The following TMEM161B variants were observed in gnomAD, a reference collection of about 807,000 sequenced individuals.
TMEM161B encodes transmembrane protein 161B.
In TMEM161B, 34 loss-of-function variants were observed where a neutral mutation model predicts 61.8. That is an observed-to-expected ratio of 0.55 (90% CI 0.42 to 0.73). The LOEUF is 0.73. Ranked by LOEUF, TMEM161B falls within the 30% of genes least tolerant of loss-of-function variation. The pLI, the probability that TMEM161B is intolerant of heterozygous loss-of-function variation, is 0.00. For synonymous variants in TMEM161B, 167 were observed against 192.8 expected (o/e 0.87, Z 1.11); for missense variants, 456 against 558.5 (o/e 0.82, Z 1.85).
intron 9 of TMEM161B, chr5:88,199,397 C>A: frequency 3.1e-6 from 1 of 326,392 alleles, no homozygotes; most frequent in Non-Finnish European, 5.5e-6. Context: ...TAGAGCAATA[C>A]ATGAGATCCT....
intron 9 of TMEM161B, chr5:88,202,203 T>C: frequency 2.2e-6 from 1 of 448,204 alleles, no homozygotes; most frequent in South Asian, 1.6e-5. Context: ...AGCTGGAGTT[T>C]GAACCAGTTC....
intron 2 of TMEM161B, among the ~76,000 whole-genome samples, chr5:88,236,293 G>A (rs1751835461): frequency 6.6e-6 from 1 of 152,056 alleles, no homozygotes. Flanking sequence ...AACGCATGAG[G>A]TTTGAACTGA....
chr5:88,223,585 C>A (rs1015039742), intron 4 of TMEM161B, among the ~76,000 whole-genome samples: 1 of 152,060 alleles, frequency 6.6e-6, no homozygotes, highest in African/African-American at 2.4e-5. Flanking sequence ...GAAGACATAA[C>A]CAGTCTTAAA....
At chr5:88,218,463 G>A (rs898609241) in intron 5 of TMEM161B, among the ~76,000 whole-genome samples, 3 of 152,030 alleles carry the variant, frequency 2.0e-5, no homozygotes, top group African/African-American at 4.8e-5. Context: ...AGATGGTAAC[G>A]ATAATGCAGA....
intron 1 of TMEM161B, among the ~76,000 whole-genome samples, chr5:88,257,309 CCTTTT>C (rs1157246080): frequency 1.3e-5 from 2 of 151,994 alleles, no homozygotes; most frequent in African/African-American, 2.4e-5. Context: ...AAACACCTTT[CCTTTT>C]AACAAACTAA....
intron 7 of TMEM161B, 67 bp downstream of exon 7, chr5:88,206,372 T>A: frequency 7.6e-7 from 1 of 1,317,772 alleles, no homozygotes; most frequent in Admixed American, 2.4e-5. Context: ...CTATTTATAG[T>A]AAATACTGCT....
At chr5:88,201,668 G>A (rs1744431213) in intron 9 of TMEM161B, 1 of 152,086 alleles carries the variant, frequency 6.6e-6, no homozygotes, top group African/African-American at 2.4e-5. Context: ...GAAGGATTGG[G>A]AATGCTTTCA....
At chr5:88,241,512 T>C (rs961766377) in intron 1 of TMEM161B, among the ~76,000 whole-genome samples, 1 of 151,934 alleles carries the variant, frequency 6.6e-6, no homozygotes, top group East Asian at 1.9e-4. Context: ...CAATTTACTC[T>C]ACACACTAAA....
chr5:88,231,447 G>A (rs1750971571), intron 2 of TMEM161B, among the ~76,000 whole-genome samples: 1 of 152,194 alleles, frequency 6.6e-6, no homozygotes, highest in African/African-American at 2.4e-5. Context: ...TTTCAGATAA[G>A]TTGGATTAAA....
chr5:88,227,817 C>T (rs1750311747), intron 3 of TMEM161B, among the ~76,000 whole-genome samples: 1 of 152,136 alleles, frequency 6.6e-6, no homozygotes, highest in South Asian at 2.1e-4. Flanking sequence ...AATTAACATA[C>T]ACTTTCCCTA....
chr5:88,222,431 A>G (rs1377955500), intron 4 of TMEM161B, among the ~76,000 whole-genome samples: 1 of 152,020 alleles, frequency 6.6e-6, no homozygotes, highest in Non-Finnish European at 1.5e-5. Flanking sequence ...AAAGATACTG[A>G]TGTGGTTACA....
intron 5 of TMEM161B, among the ~76,000 whole-genome samples, chr5:88,216,495 T>C (rs752168221): frequency 3.3e-5 from 5 of 152,238 alleles, no homozygotes; most frequent in Non-Finnish European, 5.9e-5. Context: ...TTGGAGTTAG[T>C]GCAACACTGG....
At chr5:88,249,101 A>C (rs1753999064) in intron 1 of TMEM161B, among the ~76,000 whole-genome samples, 1 of 152,124 alleles carries the variant, frequency 6.6e-6, no homozygotes, top group Admixed American at 6.6e-5. Flanking sequence ...CACATTCTCC[A>C]GAGTCTCAGT....
At chr5:88,203,166 G>A (rs975484021) in intron 8 of TMEM161B, 91 bp from the exon 9 acceptor site, 9 of 735,776 alleles carry the variant, frequency 1.2e-5, no homozygotes, top group Non-Finnish European at 1.9e-5. Context: ...ATGGAGGTAG[G>A]AGCTTATTTG....
At chr5:88,228,344 T>C in intron 3 of TMEM161B, 101 bp downstream of exon 3, 1 of 888,964 alleles carries the variant, frequency 1.1e-6, no homozygotes, top group South Asian at 1.7e-5. Context: ...TATCAACTAC[T>C]TACAACATAA....
At chr5:88,226,791 GCAGAA>G (rs1296965575) in intron 3 of TMEM161B, among the ~76,000 whole-genome samples, 1 of 152,034 alleles carries the variant, frequency 6.6e-6, no homozygotes, top group Non-Finnish European at 1.5e-5. Flanking sequence ...AAAAATTACT[GCAGAA>G]CAGAATTATT....
At chr5:88,230,543 C>T (rs1750821970) in intron 2 of TMEM161B, among the ~76,000 whole-genome samples, 3 of 152,182 alleles carry the variant, frequency 2.0e-5, no homozygotes, top group Non-Finnish European at 4.4e-5. Flanking sequence ...TGACCAATGC[C>T]TACTTCTCCA....
intron 5 of TMEM161B, among the ~76,000 whole-genome samples, chr5:88,217,502 A>C (rs1748079573): frequency 6.6e-6 from 1 of 151,726 alleles, no homozygotes; most frequent in Non-Finnish European, 1.5e-5. Flanking sequence ...TGGTTAGATG[A>C]CAAATAATTC....
intron 1 of TMEM161B, among the ~76,000 whole-genome samples, chr5:88,260,742 A>G (rs1481680705): frequency 6.6e-6 from 1 of 152,192 alleles, no homozygotes; most frequent in African/African-American, 2.4e-5. Flanking sequence ...CACTTTTCAC[A>G]AAGTCATTTT....
Sources: allele counts gnomAD v4.1 joint callset (sites outside exome capture counted in the v4.1 genomes callset), GRCh38; gene constraint gnomAD v4.1.1; transcripts MANE v1.5; gene names NCBI Gene and HGNC (gene_info 2026-07-23, HGNC 2026-07-21).